UVRAG: variants seen among roughly 807,000 people sequenced by gnomAD.
UVRAG encodes UV radiation resistance associated, also known as UV radiation resistance-associated gene protein.
A neutral mutation model predicts 78.0 loss-of-function variants in UVRAG; 19 were observed. The observed-to-expected ratio is 0.24, with a 90% CI of 0.17 to 0.36. The LOEUF (loss-of-function observed/expected upper bound fraction) is 0.36, where lower values mean the gene tolerates loss of function less well. Ranked by LOEUF, UVRAG falls within the 10% of genes least tolerant of loss-of-function variation. The pLI, the probability that UVRAG is intolerant of heterozygous loss-of-function variation, is 1.00. For synonymous variants in UVRAG, 323 were observed against 324.6 expected, an observed-to-expected ratio of 1.00 and a Z score of 0.05; for missense variants, 740 against 853.8, an observed-to-expected ratio of 0.87 and a Z score of 1.66.
At chr11:75,830,571 G>A (rs1364382287) in intron 1 of UVRAG, among the ~76,000 whole-genome samples, 1 of 151,828 alleles carries the variant, frequency 6.6e-6, no homozygotes, top group African/African-American at 2.4e-5. Context: ...GCGCCCGGCC[G>A]TAAGTATTCT....
chr11:76,102,866 G>T (rs1267592060), intron 13 of UVRAG, among the ~76,000 whole-genome samples: 1 of 152,134 alleles, frequency 6.6e-6, no homozygotes, highest in African/African-American at 2.4e-5. Context: ...GGGCTCAGCT[G>T]GTTTCTCTGC....
rs151221786 is a variant in UVRAG at position 76,020,023 on chromosome 11, G to A, written c.1226+3043G>A. The stretch of plus-strand genomic sequence containing the variant: ...CTATCTGGTTCTCTATTCTATTGCG[G>A]CTAAGCTGGTGCTTAAACTCTAAGA... On this transcript the variant is annotated intron_variant, in intron 12 of 14. Transcript: ENST00000356136. 3.9e-4 allele frequency among the ~76,000 whole-genome samples: 60 copies of A among 152,268 alleles called. No homozygotes were observed. In the Middle Eastern group the frequency reaches 0.014, roughly 35 times the overall value.
At chr11:76,085,685 C>G (rs550073973) in intron 13 of UVRAG, among the ~76,000 whole-genome samples, 4 of 152,242 alleles carry the variant, frequency 2.6e-5, no homozygotes, top group African/African-American at 9.6e-5. Flanking sequence ...CTTGCAGGGA[C>G]TTTATTATAT....
chr11:76,022,064 A>G (rs895482509), intron 12 of UVRAG, among the ~76,000 whole-genome samples: 4 of 152,146 alleles, frequency 2.6e-5, no homozygotes, highest in African/African-American at 9.7e-5. Flanking sequence ...AAAAAAAAAA[A>G]GAGCATTAAT....
chr11:75,879,417 G>T (rs902490085), intron 3 of UVRAG, among the ~76,000 whole-genome samples: 1 of 152,204 alleles, frequency 6.6e-6, no homozygotes, highest in Non-Finnish European at 1.5e-5. Flanking sequence ...CCTTTGTGAT[G>T]TCTTCCCCTG....
intron 8 of UVRAG, among the ~76,000 whole-genome samples, chr11:76,003,468 G>A (rs1431769624): frequency 6.6e-6 from 1 of 151,776 alleles, no homozygotes; most frequent in Non-Finnish European, 1.5e-5. Context: ...TGATCTGCCA[G>A]CCTTGGCCTC....
intron 8 of UVRAG, chr11:75,983,779 G>T: frequency 3.3e-6 from 1 of 300,942 alleles, no homozygotes; most frequent in Non-Finnish European, 6.1e-6. Context: ...TTACCATACT[G>T]AATACTGTAG....
chr11:75,839,123 T>C (rs1268970610), intron 1 of UVRAG: 1 of 152,228 alleles, frequency 6.6e-6, no homozygotes, highest in Non-Finnish European at 1.5e-5. Flanking sequence ...TTAAGAGCTA[T>C]TTGTGTTTAT....
At chr11:75,979,385 C>T (rs1565101222) in intron 7 of UVRAG, 1 of 152,370 alleles carries the variant, frequency 6.6e-6, no homozygotes, top group Non-Finnish European at 1.5e-5. Context: ...CTGGGAGAAC[C>T]ACTACTCTCT....
intron 5 of UVRAG, among the ~76,000 whole-genome samples, chr11:75,906,840 C>T (rs538819581): frequency 5.3e-5 from 8 of 152,264 alleles, no homozygotes; most frequent in East Asian, 1.9e-4. Context: ...ATAGATGCAT[C>T]GATTTATTTC....
chr11:76,036,267 G>A (rs978501310), intron 12 of UVRAG, among the ~76,000 whole-genome samples: 4 of 152,158 alleles, frequency 2.6e-5, no homozygotes, highest in African/African-American at 9.7e-5. Flanking sequence ...CGTTAAATTA[G>A]GCTGGGCACG....
intron 6 of UVRAG, among the ~76,000 whole-genome samples, chr11:75,917,804 T>C (rs950183590): frequency 5.3e-5 from 8 of 152,344 alleles, no homozygotes; most frequent in African/African-American, 1.9e-4. Context: ...GTGATAGATA[T>C]AGTTGATGAT....
chr11:75,819,984 CTTTTAT>C (rs1945350181), intron 1 of UVRAG, among the ~76,000 whole-genome samples: 1 of 152,042 alleles, frequency 6.6e-6, no homozygotes, highest in Non-Finnish European at 1.5e-5. Context: ...TTATTTCGTT[CTTTTAT>C]TTTTATTTTT....
chr11:76,019,758 G>A (rs1433504638), intron 12 of UVRAG, among the ~76,000 whole-genome samples: 3 of 152,176 alleles, frequency 2.0e-5, no homozygotes, highest in Non-Finnish European at 2.9e-5. Flanking sequence ...CTCCACCACT[G>A]GGATTTCCCT....
intron 3 of UVRAG, among the ~76,000 whole-genome samples, chr11:75,878,055 T>G (rs1946844622): frequency 7.4e-6 from 1 of 134,346 alleles, no homozygotes; most frequent in Non-Finnish European, 1.6e-5. Context: ...GGCTCCTCAC[T>G]TCTCCAGACG....
At chr11:76,118,761 T>C (rs1952227640) in intron 14 of UVRAG, among the ~76,000 whole-genome samples, 1 of 152,212 alleles carries the variant, frequency 6.6e-6, no homozygotes, top group Non-Finnish European at 1.5e-5. Context: ...GAGACTGGCC[T>C]ACAGTTTTTC....
chr11:75,975,586 C>T (rs1377746502), intron 7 of UVRAG, among the ~76,000 whole-genome samples: 4 of 152,262 alleles, frequency 2.6e-5, no homozygotes, highest in Non-Finnish European at 4.4e-5. Context: ...CTTCACATCC[C>T]TTGTAAGTTG....
Position 76,007,528 on chromosome 11 carries a change from C to T in UVRAG, c.912-6C>T, listed in dbSNP as rs778422312. 13 of 1,605,062 alleles carry T rather than the reference C, an allele frequency of 8.1e-6. No homozygotes were observed. Among genetic ancestry groups the T allele is most frequent in the African/African-American group, 5.4e-5 (4 of 74,528 alleles). Reference sequence around the variant, plus strand: ...TTAATAAATGTATTTTTTCTTTCCTCATTAGAGAACTCTTCTTGAAGACTA... The same window carrying T: ...TTAATAAATGTATTTTTTCTTTCCTTATTAGAGAACTCTTCTTGAAGACTA... On this transcript the variant is annotated splice_region_variant and splice_polypyrimidine_tract_variant and intron_variant, in intron 9 of 14. Coordinates refer to ENST00000356136, the MANE Select transcript of UVRAG (RefSeq NM_003369.4).
At chr11:75,894,361 C>A (rs1254783216) in intron 5 of UVRAG, among the ~76,000 whole-genome samples, 2 of 151,754 alleles carry the variant, frequency 1.3e-5, no homozygotes, top group Non-Finnish European at 2.9e-5. Flanking sequence ...AAAAAAAAAA[C>A]TCCAGCCAAC....
Sources: allele counts gnomAD v4.1 joint callset (sites outside exome capture counted in the v4.1 genomes callset), GRCh38; gene constraint gnomAD v4.1.1; transcripts MANE v1.5; gene names NCBI Gene and HGNC (gene_info 2026-07-23, HGNC 2026-07-21).